MBNL3: variants seen among roughly 807,000 people sequenced by gnomAD.
The protein encoded by MBNL3 is muscleblind like splicing regulator 3, also known as muscleblind-like protein 3.
MBNL3 carries 6 observed loss-of-function variants against 24.5 expected under a neutral mutation model. The ratio of observed to expected loss-of-function variants is 0.25; its 90% CI spans 0.13 to 0.48. MBNL3 has a LOEUF of 0.48. MBNL3 is among the 20% of genes least tolerant of loss of function. MBNL3 has a pLI of 0.99. For missense variants in MBNL3, 230 were observed against 293.5 expected, an observed-to-expected ratio of 0.78 and a Z score of 1.58; for synonymous variants, 100 against 101.7, an observed-to-expected ratio of 0.98 and a Z score of 0.10.
At chrX:132,480,292 C>T (rs1466012665) in intron 1 of MBNL3, among the ~76,000 whole-genome samples, 1 of 112,061 alleles carries the variant, frequency 8.9e-6, no homozygotes, top group Admixed American at 9.4e-5. Flanking sequence ...CTGTAACCTG[C>T]TAAACTGACC....
At chrX:132,405,702 A>C (rs1360294279) in intron 3 of MBNL3, among the ~76,000 whole-genome samples, 1 of 109,904 alleles carries the variant, frequency 9.1e-6, no homozygotes, top group Non-Finnish European at 1.9e-5. Flanking sequence ...GTGAAACTCC[A>C]TGTCTACTAA....
chrX:132,451,932 G>T (rs189261140), intron 1 of MBNL3, among the ~76,000 whole-genome samples: 15 of 111,698 alleles, frequency 1.3e-4, no homozygotes, highest in Admixed American at 1.1e-3. Context: ...GGAGTTCCCT[G>T]ACCCTTTGTG....
chrX:132,465,609 A>G (rs1408158748), intron 1 of MBNL3, among the ~76,000 whole-genome samples: 1 of 112,206 alleles, frequency 8.9e-6, no homozygotes, highest in Non-Finnish European at 1.9e-5. Flanking sequence ...CTATTTTTAA[A>G]TAATGCACAA....
At chrX:132,489,080 C>T (rs924290747), upstream of MBNL3, 3 of 113,467 alleles carry the variant, frequency 2.6e-5, no homozygotes, top group Non-Finnish European at 5.6e-5. Context: ...TTAAAGCCCG[C>T]CCCACCTCCA....
chrX:132,489,713 G>GCCGCGGGCCAGCGGAGC (rs74928874), upstream of MBNL3: 1 of 108,228 alleles, frequency 9.2e-6, no homozygotes, highest in East Asian at 3.0e-4. Context: ...GGCCAGCGGA[G>GCCGCGGGCCAGCGGAGC]CGCGGGCGGG....
intron 6 of MBNL3, among the ~76,000 whole-genome samples, chrX:132,385,213 G>A (rs1468934515): frequency 9.0e-6 from 1 of 110,612 alleles, no homozygotes; most frequent in East Asian, 2.8e-4. Context: ...TACTAATTAA[G>A]GGAAAGGGAA....
chrX:132,390,471 G>A lies in MBNL3; in HGVS notation c.771+376C>T, dbSNP rs138742846. Among the ~76,000 whole-genome samples, 996 of 109,818 alleles carry A rather than the reference G, an allele frequency of 9.1e-3. 7 individuals carry two copies. Among genetic ancestry groups the A allele is most frequent in the African/African-American group, 0.031 (935 of 30,157 alleles). On this transcript the variant is annotated intron_variant, in intron 5 of 8. Transcript: ENST00000370853. ...TTGAAAGGCATTAAGGATGTTAGTA[G>A]CAAAGGGCCCATGAAAGTGGCTCAC...
At chrX:132,465,594 C>T (rs1841378652) in intron 1 of MBNL3, among the ~76,000 whole-genome samples, 1 of 112,060 alleles carries the variant, frequency 8.9e-6, no homozygotes, top group African/African-American at 3.2e-5. Context: ...TTTTAGTCCA[C>T]ATTTCTATTT....
chrX:132,440,412 A>G (rs1264720775), intron 1 of MBNL3, among the ~76,000 whole-genome samples, 98 bp from the exon 2 acceptor site: 4 of 112,150 alleles, frequency 3.6e-5, no homozygotes, highest in African/African-American at 1.3e-4. Context: ...TATTTAAAAC[A>G]GGAAGCATCT....
chrX:132,395,820 C>CA (rs1014016919), intron 3 of MBNL3, among the ~76,000 whole-genome samples: 48 of 111,180 alleles, frequency 4.3e-4, no homozygotes, highest in African/African-American at 1.4e-3. Flanking sequence ...TTCATGTATG[C>CA]AAAAAATGTT....
chrX:132,414,806 C>T (rs748304286), intron 2 of MBNL3, among the ~76,000 whole-genome samples: 1 of 111,145 alleles, frequency 9.0e-6, no homozygotes, highest in East Asian at 2.8e-4. Context: ...TCAAGTTTTC[C>T]TTAGTATTTT....
chrX:132,377,809 A>T lies in MBNL3; in HGVS notation c.*1857T>A, dbSNP rs1158385324. The T allele has an allele frequency of 1.9e-5, 2 of 106,780 alleles. No individual in the cohort carries two copies. Among genetic ancestry groups the T allele is most frequent in the Non-Finnish European group, 3.9e-5 (2 of 51,508 alleles). 8.8% of individuals were successfully genotyped at this position (106,780 alleles called of 1,213,427 possible). A position where few individuals can be genotyped will look rare whatever the true frequency, so the allele number is the denominator to read the frequency against. On this transcript the variant is annotated 3_prime_UTR_variant, in exon 9 of 9. Transcript: ENST00000370853. ...ATTTTCATGAAGGAGAAAAACCATTATATATATATATATATATGTATATGA... is the reference window on the plus strand; with the variant it reads ...ATTTTCATGAAGGAGAAAAACCATTTTATATATATATATATATGTATATGA...
chrX:132,478,873 G>A (rs1277537844), intron 1 of MBNL3, among the ~76,000 whole-genome samples: 1 of 112,391 alleles, frequency 8.9e-6, no homozygotes, highest in African/African-American at 3.2e-5. Context: ...GACACCACTA[G>A]TTTAGATTGT....
At chrX:132,475,710 C>A (rs1947406626) in intron 1 of MBNL3, among the ~76,000 whole-genome samples, 1 of 111,342 alleles carries the variant, frequency 9.0e-6, no homozygotes, top group Non-Finnish European at 1.9e-5. Flanking sequence ...TATATAAACT[C>A]CTGCCTACAG....
At chrX:132,469,017 G>A (rs1947032602) in intron 1 of MBNL3, among the ~76,000 whole-genome samples, 1 of 112,154 alleles carries the variant, frequency 8.9e-6, no homozygotes, top group African/African-American at 3.2e-5. Flanking sequence ...AAATACATGG[G>A]CATTTGGTAG....
intron 1 of MBNL3, among the ~76,000 whole-genome samples, chrX:132,479,893 T>TG (rs1273680382): frequency 9.1e-6 from 1 of 110,264 alleles, no homozygotes; most frequent in Non-Finnish European, 1.9e-5. Flanking sequence ...GAGTTGGGGG[T>TG]GGGGGGCGCT....
chrX:132,427,397 G>A (rs1944394315), intron 2 of MBNL3, among the ~76,000 whole-genome samples: 1 of 111,137 alleles, frequency 9.0e-6, no homozygotes, highest in South Asian at 3.8e-4. Flanking sequence ...AAATAACCAG[G>A]AAATTGCAGA....
intron 1 of MBNL3, among the ~76,000 whole-genome samples, chrX:132,455,343 G>A (rs1288102736): frequency 1.8e-5 from 2 of 112,085 alleles, no homozygotes; most frequent in South Asian, 3.7e-4. Context: ...TCTGATTTGC[G>A]TCAATAAATG....
At chrX:132,476,594 A>G (rs1045243270) in intron 1 of MBNL3, among the ~76,000 whole-genome samples, 2 of 111,944 alleles carry the variant, frequency 1.8e-5, no homozygotes, top group African/African-American at 6.5e-5. Flanking sequence ...AAACAAACTC[A>G]CCTGTCAAAG....
Sources: allele counts gnomAD v4.1 joint callset (sites outside exome capture counted in the v4.1 genomes callset), GRCh38; gene constraint gnomAD v4.1.1; transcripts MANE v1.5; gene names NCBI Gene and HGNC (gene_info 2026-07-23, HGNC 2026-07-21).